Variants in ARL5A observed in about 807,000 individuals in gnomAD.
ARL5A encodes the protein ADP-ribosylation factor-like protein 5A.
In ARL5A, 18 loss-of-function variants were observed where a neutral mutation model predicts 25.9. The observed-to-expected ratio is 0.69, with a 90% CI of 0.48 to 1.03. The LOEUF is 1.03. Ranked by LOEUF, ARL5A falls within the 50% of genes least tolerant of loss-of-function variation. The pLI, the probability that ARL5A is intolerant of heterozygous loss-of-function variation, is 0.00. For missense variants in ARL5A, 170 were observed against 211.9 expected (o/e 0.80, Z 1.23); for synonymous variants, 61 against 67.5 (o/e 0.90, Z 0.47).
At chr2:151,806,499 C>T (rs2099830131) in intron 5 of ARL5A, among the ~76,000 whole-genome samples, 1 of 152,180 alleles carries the variant, frequency 6.6e-6, no homozygotes, top group Admixed American at 6.5e-5. Context: ...CATGTCAGGT[C>T]TTCAGTTCCA....
intron 5 of ARL5A, among the ~76,000 whole-genome samples, chr2:151,804,850 TA>T (rs1180414067): frequency 1.3e-5 from 2 of 152,186 alleles, no homozygotes; most frequent in Non-Finnish European, 2.9e-5. Flanking sequence ...ATCAAAACGC[TA>T]ATCAATACTA....
chr2:151,803,934 T>G (rs982034710), intron 5 of ARL5A, among the ~76,000 whole-genome samples: 31 of 152,170 alleles, frequency 2.0e-4, no homozygotes, highest in African/African-American at 7.5e-4. Context: ...GTACTTTTAA[T>G]AGGAAAATAA....
At chr2:151,825,821 C>T (rs533622344) in intron 1 of ARL5A, among the ~76,000 whole-genome samples, 1 of 144,632 alleles carries the variant, frequency 6.9e-6, no homozygotes, top group Non-Finnish European at 1.5e-5. Flanking sequence ...ATGTCCTATA[C>T]AGAAAAAAAA....
At chr2:151,813,888 A>C (rs575937286) in intron 3 of ARL5A, among the ~76,000 whole-genome samples, 1 of 152,324 alleles carries the variant, frequency 6.6e-6, no homozygotes, top group South Asian at 2.1e-4. Context: ...ATGAAATTAT[A>C]AACTATGAGA....
chr2:151,826,998 A>C (rs148433204), intron 1 of ARL5A, among the ~76,000 whole-genome samples: 107 of 152,274 alleles, frequency 7.0e-4, no homozygotes, highest in Admixed American at 1.2e-3. Flanking sequence ...GCTTCCCCTA[A>C]GCTTCTTAAA....
rs1202457188 is a variant in ARL5A at position 151,827,834 on chromosome 2, G to A, written c.46+297C>T. 6 of 432,246 alleles carry A rather than the reference G, an allele frequency of 1.4e-5. No individual in the cohort carries two copies. In the East Asian group the frequency reaches 3.2e-4, roughly 23 times the overall value. The allele number at this position is 432,246 out of a possible 1,614,324, so 26.8% of individuals were successfully genotyped here. A position where few individuals can be genotyped will look rare whatever the true frequency, so the allele number is the denominator to read the frequency against. Reference sequence around the variant, plus strand: ...AGGCCAGGCCGTGCTACTCAGGGACGTCGGACCTAGGGCAAGAAACCTTTA... The same window carrying A: ...AGGCCAGGCCGTGCTACTCAGGGACATCGGACCTAGGGCAAGAAACCTTTA... On this transcript the variant is annotated intron_variant, in intron 1 of 5. Transcript: ENST00000295087.
At chr2:151,810,269 G>C (rs2151293187) in intron 4 of ARL5A, 1 of 153,458 alleles carries the variant, frequency 6.5e-6, no homozygotes, top group East Asian at 1.9e-4. Flanking sequence ...TTTGTATTTT[G>C]TAATAATGTA....
chr2:151,821,397 T>C (rs893158040), intron 1 of ARL5A, among the ~76,000 whole-genome samples: 4 of 152,086 alleles, frequency 2.6e-5, no homozygotes, highest in African/African-American at 7.2e-5. Flanking sequence ...CAATCAAACA[T>C]AAGCAGAACC....
rs1443029107 is a variant in ARL5A at position 151,799,366 on chromosome 2, T to A, written c.*3910A>T. Reference sequence around the variant, plus strand: ...TTGTAAGTAAACATGAAAAAAAAAATGGGATGTGGGCAATAGTTTCAAGAA... The same window carrying A: ...TTGTAAGTAAACATGAAAAAAAAAAAGGGATGTGGGCAATAGTTTCAAGAA... On this transcript the variant is annotated 3_prime_UTR_variant, in exon 6 of 6. Coordinates refer to ENST00000295087, the MANE Select transcript of ARL5A (RefSeq NM_012097.4). 1.3e-5 allele frequency: 2 copies of A among 151,814 alleles called. No individual in the cohort carries two copies. Among genetic ancestry groups the A allele is most frequent in the Non-Finnish European group, 1.5e-5 (1 of 67,928 alleles). The allele number at this position is 151,814 out of a possible 1,614,324, so 9.4% of individuals were successfully genotyped here. A position where few individuals can be genotyped will look rare whatever the true frequency, so the allele number is the denominator to read the frequency against.
At chr2:151,824,790 C>T (rs1402237711) in intron 1 of ARL5A, among the ~76,000 whole-genome samples, 1 of 152,106 alleles carries the variant, frequency 6.6e-6, no homozygotes, top group African/African-American at 2.4e-5. Context: ...ACTAGATAAT[C>T]TTGTTAAAAT....
At chr2:151,821,037 T>C (rs1246319831) in intron 1 of ARL5A, among the ~76,000 whole-genome samples, 1 of 152,224 alleles carries the variant, frequency 6.6e-6, no homozygotes, top group East Asian at 1.9e-4. Context: ...GTGACAAAGC[T>C]AGCTAAGCCT....
intron 1 of ARL5A, among the ~76,000 whole-genome samples, chr2:151,819,302 A>G (rs1477713938): frequency 6.6e-6 from 1 of 152,228 alleles, no homozygotes; most frequent in African/African-American, 2.4e-5. Flanking sequence ...CGGTTCTTTT[A>G]TAATTGCTTT....
At chr2:151,827,908 C>G (rs1387508757) in intron 1 of ARL5A, 2 of 554,426 alleles carry the variant, frequency 3.6e-6, no homozygotes, top group Non-Finnish European at 6.3e-6. Context: ...GAAAAGACTT[C>G]TTAGGAAGGT....
In ARL5A at chr2:151,802,446, G is replaced by A. The variant is rs2099829552; in HGVS notation, c.*830C>T. 1 of 151,990 alleles carries A rather than the reference G, an allele frequency of 6.6e-6. No individual in the cohort carries two copies. The highest frequency in any genetic ancestry group is 1.9e-4 in the East Asian group (1 of 5,188). The allele number at this position is 151,990 out of a possible 1,614,324, so 9.4% of individuals were successfully genotyped here. A position where few individuals can be genotyped will look rare whatever the true frequency, so the allele number is the denominator to read the frequency against. Reference sequence around the variant, plus strand: ...TAGATGCCATAAGAACCACTGAAAGGAATAATCTGATAGTTGCTCATTGTA... The same window carrying A: ...TAGATGCCATAAGAACCACTGAAAGAAATAATCTGATAGTTGCTCATTGTA... On this transcript the variant is annotated 3_prime_UTR_variant, in exon 6 of 6. Coordinates refer to ENST00000295087, the MANE Select transcript of ARL5A (RefSeq NM_012097.4).
chr2:151,814,356 A>C (rs771573928), intron 2 of ARL5A, 40 bp from the exon 3 acceptor site: 5 of 1,435,736 alleles, frequency 3.5e-6, no homozygotes, highest in East Asian at 2.6e-5. Flanking sequence ...TTAGCAAGGA[A>C]GCTAACTTGC....
Position 151,801,076 on chromosome 2 carries a change from T to A in ARL5A, c.*2200A>T, listed in dbSNP as rs918403624. 2.6e-5 allele frequency: 4 copies of A among 152,620 alleles called. No homozygotes were observed. The highest frequency in any genetic ancestry group is 9.6e-5 in the African/African-American group (4 of 41,458). The allele number at this position is 152,620 out of a possible 1,614,324, so 9.5% of individuals were successfully genotyped here. A position where few individuals can be genotyped will look rare whatever the true frequency, so the allele number is the denominator to read the frequency against. On this transcript the variant is annotated 3_prime_UTR_variant, in exon 6 of 6. Coordinates refer to ENST00000295087, the MANE Select transcript of ARL5A (RefSeq NM_012097.4). ...AATTTATTTTTTTCCCAACTATAATTTTGGTTTTATGTACAAGTACACAAG... is the reference window on the plus strand; with the variant it reads ...AATTTATTTTTTTCCCAACTATAATATTGGTTTTATGTACAAGTACACAAG...
At position 151,806,907 on chromosome 2, in the gene ARL5A, T is replaced by C. The variant is rs936446596; in HGVS notation, c.405A>G (p.Val135=). The change falls in exon 5 of 6, where the codon GTA becomes GTG. Residue 135 remains valine, a synonymous_variant. Coordinates refer to ENST00000295087, the MANE Select transcript of ARL5A (RefSeq NM_012097.4). ...NKQDVKECMT[V]AEISQFLKLT... ...GCTTCAAAAACTGGGAGATTTCTGC[T>C]ACAGTCATGCATTCTTTAACATCTT... is the stretch of plus-strand genomic sequence containing the variant. 2 of 1,613,540 alleles carry C rather than the reference T, an allele frequency of 1.2e-6. No homozygotes were observed. The highest frequency in any genetic ancestry group is 1.3e-5 in the African/African-American group (1 of 74,926).
chr2:151,815,065 T>G, intron 2 of ARL5A, 74 bp downstream of exon 2: 1 of 1,103,902 alleles, frequency 9.1e-7, no homozygotes, highest in Non-Finnish European at 1.3e-6. Context: ...TCTTACTGCA[T>G]TCATTGATCG....
chr2:151,803,781 T>A (rs539764484), intron 5 of ARL5A, among the ~76,000 whole-genome samples: 1 of 152,340 alleles, frequency 6.6e-6, no homozygotes, highest in Non-Finnish European at 1.5e-5. Context: ...GAAAGCAACA[T>A]ATGTCAAAAA....
Sources: gnomAD v4.1 joint callset for allele counts (sites outside exome capture counted in the v4.1 genomes callset) on GRCh38, gnomAD v4.1.1 for gene constraint, MANE v1.5 for transcripts, NCBI Gene and HGNC (gene_info 2026-07-23, HGNC 2026-07-21) for gene names.